CTNND2: variants seen among roughly 807,000 people sequenced by gnomAD.
CTNND2 encodes the protein catenin delta 2.
CTNND2 carries 22 observed loss-of-function variants against 144.4 expected under a neutral mutation model. The ratio of observed to expected loss-of-function variants is 0.15; its 90% CI spans 0.11 to 0.22. The LOEUF (loss-of-function observed/expected upper bound fraction) is 0.22, where lower values mean the gene tolerates loss of function less well. Among genes scored for constraint, CTNND2 ranks in the 10% least tolerant of loss-of-function variants. The pLI is 1.00. For synonymous variants in CTNND2, 751 were observed against 695.6 expected (o/e 1.08, Z -1.25); for missense variants, 1,353 against 1,618.8 (o/e 0.84, Z 2.82).
chr5:11,158,530 G>A (rs1177013558), intron 12 of CTNND2, among the ~76,000 whole-genome samples: 3 of 152,126 alleles, frequency 2.0e-5, no homozygotes, highest in Admixed American at 6.5e-5. Flanking sequence ...GTAGATATTC[G>A]TGGAGGCAGG....
At chr5:11,720,953 C>T (rs1786641380) in intron 2 of CTNND2, among the ~76,000 whole-genome samples, 1 of 152,162 alleles carries the variant, frequency 6.6e-6, no homozygotes, top group Admixed American at 6.5e-5. Flanking sequence ...CCAGCATTTC[C>T]ACTCTTAGGT....
At chr5:11,829,907 G>T (rs1055649413) in intron 1 of CTNND2, among the ~76,000 whole-genome samples, 3 of 152,212 alleles carry the variant, frequency 2.0e-5, no homozygotes, top group Non-Finnish European at 2.9e-5. Context: ...AAAGCCACAG[G>T]TGTGGAGCTG....
At chr5:11,610,846 T>C (rs1195317671) in intron 2 of CTNND2, among the ~76,000 whole-genome samples, 3 of 152,192 alleles carry the variant, frequency 2.0e-5, no homozygotes, top group East Asian at 1.9e-4. Flanking sequence ...TTACAAGTGA[T>C]CAAAGGAAGC....
chr5:11,280,997 C>T (rs990376833), intron 9 of CTNND2, among the ~76,000 whole-genome samples: 2 of 151,890 alleles, frequency 1.3e-5, no homozygotes, highest in East Asian at 1.9e-4. Context: ...AAGAAAAAAG[C>T]GAAAGAAAAA....
At chr5:11,507,064 A>C (rs999930026) in intron 3 of CTNND2, among the ~76,000 whole-genome samples, 1 of 152,104 alleles carries the variant, frequency 6.6e-6, no homozygotes, top group Non-Finnish European at 1.5e-5. Context: ...TCTCCGACCT[A>C]CTTCAGACCT....
At chr5:11,850,490 T>C (rs1794961449) in intron 1 of CTNND2, among the ~76,000 whole-genome samples, 1 of 152,242 alleles carries the variant, frequency 6.6e-6, no homozygotes, top group South Asian at 2.1e-4. Flanking sequence ...ATACTAGTAG[T>C]AATTCTACTA....
chr5:11,690,140 A>G (rs1784827364), intron 2 of CTNND2, among the ~76,000 whole-genome samples: 2 of 152,254 alleles, frequency 1.3e-5, no homozygotes, highest in Non-Finnish European at 2.9e-5. Context: ...AAAGTCAAAG[A>G]AAATTGCACT....
At chr5:11,114,326 G>A (rs1244741436) in intron 13 of CTNND2, among the ~76,000 whole-genome samples, 1 of 152,096 alleles carries the variant, frequency 6.6e-6, no homozygotes, top group Non-Finnish European at 1.5e-5. Context: ...GCTGCAGCTG[G>A]GGAGATGATT....
intron 2 of CTNND2, among the ~76,000 whole-genome samples, chr5:11,704,747 G>A (rs1231107324): frequency 6.6e-6 from 1 of 151,806 alleles, no homozygotes; most frequent in Non-Finnish European, 1.5e-5. Flanking sequence ...TGATATAGCT[G>A]TCACAGTTTA....
rs1287310409 is a variant in CTNND2 at position 11,849,888 on chromosome 5, C to T, written c.37+53929G>A. On this transcript the variant is annotated intron_variant, in intron 1 of 21. Transcript: ENST00000304623. The stretch of plus-strand genomic sequence containing the variant: ...AATGGCTGAGTAGGAAAATCACGAG[C>T]CTTGTAGGGTTGAAAGCCAAATCTA... Among the ~76,000 whole-genome samples the T allele has an allele frequency of 2.0e-5, 3 of 152,104 alleles. No individual in the cohort carries two copies. In the East Asian group the frequency reaches 5.8e-4, roughly 29 times the overall value.
At chr5:11,747,403 C>T (rs976099919) in intron 1 of CTNND2, among the ~76,000 whole-genome samples, 1 of 152,138 alleles carries the variant, frequency 6.6e-6, no homozygotes, top group Non-Finnish European at 1.5e-5. Context: ...ATTCTTTTGG[C>T]TGAAACTTCA....
intron 6 of CTNND2, among the ~76,000 whole-genome samples, chr5:11,389,549 A>AT (rs1306936586): frequency 2.6e-5 from 4 of 152,168 alleles, no homozygotes; most frequent in Non-Finnish European, 4.4e-5. Flanking sequence ...AGATGCATTG[A>AT]TATCTATTTT....
Position 10,987,402 on chromosome 5 carries a change from T to C in CTNND2, c.3343+709A>G, listed in dbSNP as rs76112275. Among the ~76,000 whole-genome samples, 32 of 152,280 alleles carry C rather than the reference T, an allele frequency of 2.1e-4. No individual in the cohort carries two copies. The East Asian group carries it at 6.0e-3, about 28-fold the overall frequency. The stretch of plus-strand genomic sequence containing the variant: ...AGAGACAGATACCCACTGTACCAAT[T>C]CTGGCCTCCATAGAGTCTTGGCTGA... On this transcript the variant is annotated intron_variant, in intron 20 of 21. Transcript: ENST00000304623.
chr5:11,763,409 T>C (rs1394158442), intron 1 of CTNND2, among the ~76,000 whole-genome samples: 3 of 152,166 alleles, frequency 2.0e-5, no homozygotes, highest in Admixed American at 6.5e-5. Context: ...TGACAGTAAG[T>C]CAATGGACTA....
At chr5:11,651,653 C>T (rs929671689) in intron 2 of CTNND2, among the ~76,000 whole-genome samples, 8 of 152,194 alleles carry the variant, frequency 5.3e-5, no homozygotes, top group African/African-American at 1.7e-4. Flanking sequence ...ATGCCCAAGG[C>T]ATTAGGAGCC....
At chr5:11,355,888 A>G (rs1180718524) in intron 8 of CTNND2, among the ~76,000 whole-genome samples, 3 of 152,020 alleles carry the variant, frequency 2.0e-5, no homozygotes, top group Non-Finnish European at 1.5e-5. Context: ...ATTTCTATAC[A>G]CTATCTGTAC....
At chr5:11,250,806 C>T (rs55730639) in intron 9 of CTNND2, among the ~76,000 whole-genome samples, 4,692 of 152,016 alleles carry the variant, frequency 0.031, 99 homozygotes, top group Middle Eastern at 0.068. Flanking sequence ...CGTGAGCTAC[C>T]GCACCCAGCC....
At chr5:11,815,053 A>T (rs1361882223) in intron 1 of CTNND2, among the ~76,000 whole-genome samples, 1 of 152,196 alleles carries the variant, frequency 6.6e-6, no homozygotes, top group Non-Finnish European at 1.5e-5. Context: ...TACTTGCTAA[A>T]GGAATTATAT....
At chr5:11,276,115 T>G (rs112003699) in intron 9 of CTNND2, among the ~76,000 whole-genome samples, 6,193 of 152,282 alleles carry the variant, frequency 0.041, 190 homozygotes, top group African/African-American at 0.083. Context: ...AACTATAGTT[T>G]TTGTAGACCT....
Sources: gnomAD v4.1 joint callset for allele counts (sites outside exome capture counted in the v4.1 genomes callset) on GRCh38, gnomAD v4.1.1 for gene constraint, MANE v1.5 for transcripts, NCBI Gene and HGNC (gene_info 2026-07-23, HGNC 2026-07-21) for gene names.